PLXNA4: variants seen among roughly 807,000 people sequenced by gnomAD.
PLXNA4 encodes the protein plexin-A4.
Under a neutral mutation model 191.8 loss-of-function variants are expected in PLXNA4, and 44 were observed. The ratio of observed to expected loss-of-function variants is 0.23; its 90% CI spans 0.18 to 0.29. The LOEUF (loss-of-function observed/expected upper bound fraction) is 0.29, where lower values mean the gene tolerates loss of function less well. Ranked by LOEUF, PLXNA4 falls within the 10% of genes least tolerant of loss-of-function variation. The pLI is 1.00. For missense variants in PLXNA4, 1,800 were observed against 2,488.8 expected (o/e 0.72, Z 5.89); for synonymous variants, 1,082 against 1,009.5 (o/e 1.07, Z -1.36).
At position 132,485,008 on chromosome 7, in the gene PLXNA4, G is replaced by A. The variant is rs200588151; in HGVS notation, c.1371+4284C>T. 42 of 1,613,748 alleles carry A rather than the reference G, an allele frequency of 2.6e-5. No homozygotes were observed. In the East Asian group the frequency reaches 3.6e-4, roughly 14 times the overall value. ...TGATTCCCCCTTGTGGACCTGTGCC[G>A]AAGGACTAGGGAACAAAAGCAAATT... On this transcript the variant is annotated intron_variant, in intron 3 of 31. Coordinates refer to ENST00000321063, the MANE Select transcript of PLXNA4 (RefSeq NM_020911.2).
intron 3 of PLXNA4, among the ~76,000 whole-genome samples, chr7:132,339,926 A>AT (rs756950193): frequency 1.3e-5 from 2 of 152,038 alleles, no homozygotes; most frequent in Non-Finnish European, 2.9e-5. Context: ...TAATGAAGAT[A>AT]TTTTTAACCA....
Position 132,133,148 on chromosome 7 carries a change from G to T in PLXNA4, c.5490C>A (p.Asn1830Lys). The T allele has an allele frequency of 6.2e-7, 1 of 1,614,186 alleles. No homozygotes were observed. The highest frequency in any genetic ancestry group is 8.5e-7 in the Non-Finnish European group (1 of 1,180,036). ...KMPAISDQDM[N>K]AYLAEQSRMH... ...TCCGGGACTGCTCAGCCAGGTATGC[G>T]TTCATGTCTTGGTCGCTGATGGCTG... is the stretch of plus-strand genomic sequence containing the variant. Residue 1830 changes from asparagine to lysine, a missense_variant, in exon 31 of 32, where the codon AAC becomes AAA. By Grantham distance (94) the Asn-to-Lys change is moderately conservative. Around this residue, in one of 6 missense-constraint regions of PLXNA4, gnomAD observed 83 missense variants for 81.6 expected, o/e 1.02. Coordinates refer to ENST00000321063, the MANE Select transcript of PLXNA4 (RefSeq NM_020911.2).
Position 132,573,804 on chromosome 7 carries a change from G to A in PLXNA4, c.-87+2618C>T, listed in dbSNP as rs1221608893. On this transcript the variant is annotated intron_variant, in intron 1 of 31. Coordinates refer to ENST00000321063, the MANE Select transcript of PLXNA4 (RefSeq NM_020911.2). ...AAGGAGCAGCTTGTAGGTGACCCAT[G>A]CCTAGTGCTCACAGGAGAGCTGCCT... Among the ~76,000 whole-genome samples, 3 of 152,324 alleles carry A rather than the reference G, an allele frequency of 2.0e-5. No individual in the cohort carries two copies. In the East Asian group the frequency reaches 5.8e-4, roughly 29 times the overall value.
At chr7:132,407,744 T>A (rs1281217725) in intron 3 of PLXNA4, among the ~76,000 whole-genome samples, 4 of 152,224 alleles carry the variant, frequency 2.6e-5, no homozygotes, top group Non-Finnish European at 5.9e-5. Flanking sequence ...AGGGCTTTGT[T>A]GAATTGTGAA....
intron 4 of PLXNA4, among the ~76,000 whole-genome samples, chr7:132,242,342 C>G (rs537463354): frequency 3.8e-4 from 58 of 152,258 alleles, no homozygotes; most frequent in Non-Finnish European, 1.9e-4. Context: ...CTCTCTGTTA[C>G]ATGAGCAAAT....
chr7:132,630,276 A>G (rs993003694), intron 2 of PLXNA4, among the ~76,000 whole-genome samples: 2 of 152,228 alleles, frequency 1.3e-5, no homozygotes, highest in Non-Finnish European at 2.9e-5. Flanking sequence ...ATTGGGCTTC[A>G]ACATATGAGT....
In PLXNA4 at chr7:132,288,823, C is replaced by T. The variant is rs1800778763; in HGVS notation, c.1503+9268G>A. Reference sequence around the variant, plus strand: ...CAGCACCTTTGGCTGCAGACAGTATCTCCACAACAGCCTCTTCTATCAAAT... The same window carrying T: ...CAGCACCTTTGGCTGCAGACAGTATTTCCACAACAGCCTCTTCTATCAAAT... On this transcript the variant is annotated intron_variant, in intron 4 of 31. Coordinates refer to ENST00000321063, the MANE Select transcript of PLXNA4 (RefSeq NM_020911.2). Among the ~76,000 whole-genome samples the T allele has an allele frequency of 5.9e-5, 9 of 152,198 alleles. No individual in the cohort carries two copies. The South Asian group carries it at 1.2e-3, about 21-fold the overall frequency.
At chr7:132,241,374 T>C (rs1053853643) in intron 4 of PLXNA4, among the ~76,000 whole-genome samples, 8 of 152,218 alleles carry the variant, frequency 5.3e-5, no homozygotes, top group African/African-American at 1.7e-4. Flanking sequence ...AGCAGCCATA[T>C]TATTTTCTTA....
chr7:132,533,768 G>A (rs531066402), intron 1 of PLXNA4, among the ~76,000 whole-genome samples: 3 of 152,036 alleles, frequency 2.0e-5, no homozygotes, highest in East Asian at 3.9e-4. Context: ...TCCCTTCACC[G>A]CCCATCTTGG....
At chr7:132,537,382 G>A (rs1199509289) in intron 1 of PLXNA4, among the ~76,000 whole-genome samples, 2 of 152,230 alleles carry the variant, frequency 1.3e-5, no homozygotes, top group Non-Finnish European at 2.9e-5. Context: ...ACAATCTAAT[G>A]ATAAGATTTG....
chr7:132,158,048 C>T (rs530250520), intron 25 of PLXNA4, among the ~76,000 whole-genome samples: 2 of 152,340 alleles, frequency 1.3e-5, no homozygotes, highest in South Asian at 4.1e-4. Flanking sequence ...GTCCCAGAAA[C>T]AGCATACTCA....
Position 132,387,242 on chromosome 7 carries a change from C to A in PLXNA4, c.1372-89020G>T, listed in dbSNP as rs183049327. ...ATGCAGAATCTCAGGCTCCACCTCA[C>A]ACCTATTGAATAAGAATCTGCCTTT... On this transcript the variant is annotated intron_variant, in intron 3 of 31. Coordinates refer to ENST00000321063, the MANE Select transcript of PLXNA4 (RefSeq NM_020911.2). Among the ~76,000 whole-genome samples the A allele has an allele frequency of 2.7e-3, 412 of 152,340 alleles. 2 individuals carry two copies. Among genetic ancestry groups the A allele is most frequent in the African/African-American group, 9.4e-3 (391 of 41,570 alleles).
chr7:132,467,046 A>G (rs1183946155), intron 3 of PLXNA4, among the ~76,000 whole-genome samples: 1 of 152,106 alleles, frequency 6.6e-6, no homozygotes, highest in Non-Finnish European at 1.5e-5. Flanking sequence ...GGTAAACTGC[A>G]CACTACTTGC....
intron 3 of PLXNA4, among the ~76,000 whole-genome samples, chr7:132,339,935 C>A (rs1802961325): frequency 6.6e-6 from 1 of 151,884 alleles, no homozygotes; most frequent in Non-Finnish European, 1.5e-5. Context: ...TATTTTTAAC[C>A]AAAGACACTG....
intron 3 of PLXNA4, among the ~76,000 whole-genome samples, chr7:132,478,454 C>T (rs1797212155): frequency 6.6e-6 from 1 of 152,148 alleles, no homozygotes; most frequent in Non-Finnish European, 1.5e-5. Context: ...AAGTTTTATG[C>T]TCTGTGGGGG....
At chr7:132,301,292 A>T (rs1263422590) in intron 3 of PLXNA4, among the ~76,000 whole-genome samples, 1 of 152,186 alleles carries the variant, frequency 6.6e-6, no homozygotes, top group Non-Finnish European at 1.5e-5. Flanking sequence ...GCAATACAAA[A>T]ATTTAGGTAG....
chr7:132,301,691 C>A (rs1801311142), intron 3 of PLXNA4, among the ~76,000 whole-genome samples: 1 of 152,208 alleles, frequency 6.6e-6, no homozygotes, highest in Admixed American at 6.5e-5. Flanking sequence ...ACAAGCATCA[C>A]CCCAGGGGTG....
rs556020465 is a variant in PLXNA4 at position 132,544,238 on chromosome 7, C to T, written c.-87+32184G>A. 3.9e-5 allele frequency among the ~76,000 whole-genome samples: 6 copies of T among 152,284 alleles called. No individual in the cohort carries two copies. In the East Asian group the frequency reaches 9.7e-4, roughly 25 times the overall value. ...GAAAAGATCTGTTTCAAGTAAGTGA[C>T]AGTGGCCACTCTCCAACCCAAAACC... On this transcript the variant is annotated intron_variant, in intron 1 of 31. Coordinates refer to ENST00000321063, the MANE Select transcript of PLXNA4 (RefSeq NM_020911.2).
intron 3 of PLXNA4, among the ~76,000 whole-genome samples, chr7:132,424,072 C>A (rs1457184424): frequency 6.6e-6 from 1 of 152,154 alleles, no homozygotes; most frequent in Non-Finnish European, 1.5e-5. Flanking sequence ...TCTAGCCCCA[C>A]TTTAGCTTTC....
Sources: gnomAD v4.1 joint callset for allele counts (sites outside exome capture counted in the v4.1 genomes callset) on GRCh38, gnomAD v4.1.1 for gene constraint, gnomAD v4.1.1 regional missense constraint, MANE v1.5 for transcripts, NCBI Gene and HGNC (gene_info 2026-07-23, HGNC 2026-07-21) for gene names.